Variants in NEGR1 observed in about 807,000 individuals in gnomAD.
The protein encoded by NEGR1 is IgLON family member 4.
In NEGR1, 10 loss-of-function variants were observed where a neutral mutation model predicts 40.9. The ratio of observed to expected loss-of-function variants is 0.24; its 90% CI spans 0.15 to 0.42. The LOEUF (loss-of-function observed/expected upper bound fraction) is 0.42, where lower values mean the gene tolerates loss of function less well. Ranked by LOEUF, NEGR1 falls within the 10% of genes least tolerant of loss-of-function variation. The pLI is 1.00. For synonymous variants in NEGR1, 185 were observed against 166.8 expected (o/e 1.11, Z -0.84); for missense variants, 352 against 438.9 (o/e 0.80, Z 1.77).
At chr1:71,572,157 T>C (rs956212215) in intron 6 of NEGR1, among the ~76,000 whole-genome samples, 4 of 152,214 alleles carry the variant, frequency 2.6e-5, no homozygotes, top group African/African-American at 9.7e-5. Flanking sequence ...TTTAAAACTC[T>C]AACAAGCCAT....
intron 1 of NEGR1, among the ~76,000 whole-genome samples, chr1:72,131,415 A>C (rs779918111): frequency 5.9e-5 from 9 of 152,232 alleles, no homozygotes; most frequent in Non-Finnish European, 5.9e-5. Context: ...TAAGGTAAAG[A>C]AACAATTAAA....
At chr1:71,611,371 G>T (rs761756380) in intron 4 of NEGR1, among the ~76,000 whole-genome samples, 1 of 152,154 alleles carries the variant, frequency 6.6e-6, no homozygotes, top group Non-Finnish European at 1.5e-5. Flanking sequence ...GGAGTGCAGA[G>T]TAAATGCAAT....
chr1:71,790,833 T>C (rs1401714487), intron 2 of NEGR1, among the ~76,000 whole-genome samples: 1 of 152,008 alleles, frequency 6.6e-6, no homozygotes, highest in African/African-American at 2.4e-5. Context: ...CTACATACCT[T>C]TGTATATGAG....
At position 71,928,373 on chromosome 1, in the gene NEGR1, T is replaced by C. The variant is rs1182979728; in HGVS notation, c.409+6706A>G. Among the ~76,000 whole-genome samples the C allele has an allele frequency of 1.4e-5, 2 of 143,270 alleles. 1 individual carries two copies. The highest frequency in any genetic ancestry group is 5.1e-5 in the African/African-American group (2 of 38,934). The allele number at this position is 143,270 out of a possible 152,430, so 94.0% of individuals were successfully genotyped here. A position where few individuals can be genotyped will look rare whatever the true frequency, so the allele number is the denominator to read the frequency against. The stretch of plus-strand genomic sequence containing the variant: ...GTGTATATATATATACACATATGTA[T>C]ATATGTATATATACACACATATGTA... On this transcript the variant is annotated intron_variant, in intron 2 of 6. Coordinates refer to ENST00000357731, the MANE Select transcript of NEGR1 (RefSeq NM_173808.3).
chr1:71,646,664 C>T (rs1467114629), intron 4 of NEGR1, among the ~76,000 whole-genome samples: 1 of 151,756 alleles, frequency 6.6e-6, no homozygotes, highest in Non-Finnish European at 1.5e-5. Flanking sequence ...TTTGAAAATA[C>T]ATGTATTATT....
intron 1 of NEGR1, among the ~76,000 whole-genome samples, chr1:72,106,539 GA>G (rs146619840): frequency 0.23 from 34,481 of 150,600 alleles, 4,455 homozygotes; most frequent in Non-Finnish European, 0.3. Context: ...AAGGCTGGGA[GA>G]AAAAAAAATG....
intron 3 of NEGR1, among the ~76,000 whole-genome samples, chr1:71,721,594 T>C (rs1177798251): frequency 6.6e-6 from 1 of 152,104 alleles, no homozygotes; most frequent in Non-Finnish European, 1.5e-5. Flanking sequence ...TTTTGGACCA[T>C]ATAATTCTTT....
In NEGR1 at chr1:71,723,157, G is replaced by T. The variant is rs1262487522; in HGVS notation, c.536-25018C>A. On this transcript the variant is annotated intron_variant, in intron 3 of 6. Coordinates refer to ENST00000357731, the MANE Select transcript of NEGR1 (RefSeq NM_173808.3). ...ATTTGACTGTAATGTGCCTGGTTGT[G>T]ATTGCTGTTGTTTTAATCTTTATTG... Among the ~76,000 whole-genome samples, 3 of 151,976 alleles carry T rather than the reference G, an allele frequency of 2.0e-5. No individual in the cohort carries two copies. In the East Asian group the frequency reaches 5.8e-4, roughly 29 times the overall value.
intron 1 of NEGR1, among the ~76,000 whole-genome samples, chr1:72,278,605 C>A (rs1656140031): frequency 6.6e-6 from 1 of 151,824 alleles, no homozygotes; most frequent in Non-Finnish European, 1.5e-5. Flanking sequence ...GAGTTATATT[C>A]CCCTGAATTC....
At chr1:71,548,662 G>A (rs1046610605) in intron 6 of NEGR1, among the ~76,000 whole-genome samples, 6 of 151,606 alleles carry the variant, frequency 4.0e-5, no homozygotes, top group Admixed American at 1.3e-4. Flanking sequence ...AAAACATGCC[G>A]AGGCTGTGGT....
At chr1:71,568,842 G>GTGTGTA in intron 6 of NEGR1, among the ~76,000 whole-genome samples, 1 of 150,676 alleles carries the variant, frequency 6.6e-6, no homozygotes, top group East Asian at 2.0e-4. Context: ...GTGTGTGTGT[G>GTGTGTA]TGTGTGTGTG....
intron 2 of NEGR1, among the ~76,000 whole-genome samples, chr1:71,781,086 T>C (rs935488084): frequency 2.6e-5 from 4 of 152,172 alleles, no homozygotes; most frequent in Non-Finnish European, 4.4e-5. Context: ...TGTATAGAAA[T>C]AAATTATTTT....
chr1:71,785,287 A>G (rs1291396836), intron 2 of NEGR1, among the ~76,000 whole-genome samples: 1 of 152,206 alleles, frequency 6.6e-6, no homozygotes, highest in Non-Finnish European at 1.5e-5. Context: ...CCTTAGTAGA[A>G]AATGGTCACA....
chr1:71,896,957 T>C (rs1660992148), intron 2 of NEGR1, among the ~76,000 whole-genome samples: 1 of 152,144 alleles, frequency 6.6e-6, no homozygotes, highest in Non-Finnish European at 1.5e-5. Flanking sequence ...TGGCTAAAGA[T>C]GACAATGTAA....
intron 2 of NEGR1, among the ~76,000 whole-genome samples, chr1:71,810,107 G>A (rs994318858): frequency 6.6e-6 from 1 of 152,020 alleles, no homozygotes; most frequent in Non-Finnish European, 1.5e-5. Flanking sequence ...GCAATCTTCG[G>A]TGCACAATCT....
intron 2 of NEGR1, among the ~76,000 whole-genome samples, chr1:71,919,031 A>T (rs1661683074): frequency 6.6e-6 from 1 of 152,192 alleles, no homozygotes; most frequent in Non-Finnish European, 1.5e-5. Flanking sequence ...TAGATGCATT[A>T]TTATTTTAAA....
At chr1:72,219,283 T>C (rs767244600) in intron 1 of NEGR1, among the ~76,000 whole-genome samples, 40 of 152,068 alleles carry the variant, frequency 2.6e-4, no homozygotes, top group Non-Finnish European at 4.9e-4. Context: ...CCATCAATAA[T>C]AAACAGTGAT....
chr1:71,950,512 T>C (rs527421024), intron 1 of NEGR1, among the ~76,000 whole-genome samples: 1 of 152,166 alleles, frequency 6.6e-6, no homozygotes, highest in South Asian at 2.1e-4. Context: ...CGATTTCCTA[T>C]GTAAAGAACT....
At chr1:71,528,259 G>C (rs558066051) in intron 6 of NEGR1, among the ~76,000 whole-genome samples, 8 of 151,314 alleles carry the variant, frequency 5.3e-5, no homozygotes, top group African/African-American at 1.9e-4. Flanking sequence ...TGAAGATTCT[G>C]TTCATATATG....
Sources: allele counts gnomAD v4.1 joint callset (sites outside exome capture counted in the v4.1 genomes callset), GRCh38; gene constraint gnomAD v4.1.1; transcripts MANE v1.5; gene names NCBI Gene and HGNC (gene_info 2026-07-23, HGNC 2026-07-21).